Variants in FBLN7 observed in about 807,000 individuals in gnomAD.
FBLN7 encodes fibulin 7.
A neutral mutation model predicts 44.0 loss-of-function variants in FBLN7; 31 were observed. That is an observed-to-expected ratio of 0.70 (90% CI 0.53 to 0.95). The LOEUF (loss-of-function observed/expected upper bound fraction) is 0.95. FBLN7 is among the 40% of genes least tolerant of loss of function. The pLI, the probability that FBLN7 is intolerant of heterozygous loss-of-function variation, is 0.00. For synonymous variants in FBLN7, 262 were observed against 253.4 expected (o/e 1.03, Z -0.32); for missense variants, 573 against 618.5 (o/e 0.93, Z 0.78).
At chr2:112,175,084 G>C (rs1035265540) in intron 3 of FBLN7, among the ~76,000 whole-genome samples, 1 of 152,156 alleles carries the variant, frequency 6.6e-6, no homozygotes, top group African/African-American at 2.4e-5. Flanking sequence ...CAGAAGTGTC[G>C]TGTAGATGAG....
At chr2:112,237,496 G>A in the FBLN7 span, among the ~76,000 whole-genome samples, 1 of 152,004 alleles carries the variant, frequency 6.6e-6, no homozygotes, top group African/African-American at 2.4e-5. Flanking sequence ...TAGTCTACTG[G>A]AGCCTCGAAC....
intron 2 of FBLN7, among the ~76,000 whole-genome samples, chr2:112,164,724 G>A (rs993017091): frequency 2.0e-5 from 3 of 152,230 alleles, no homozygotes; most frequent in African/African-American, 7.2e-5. Flanking sequence ...GATCATTGCA[G>A]GGTGGGCCTC....
At chr2:112,243,909 T>C in the FBLN7 span, among the ~76,000 whole-genome samples, 2 of 151,890 alleles carry the variant, frequency 1.3e-5, no homozygotes, top group African/African-American at 4.8e-5. Context: ...TTAAAAAATA[T>C]ATTCAAAAAC....
chr2:112,233,341 C>T, the FBLN7 span: 1 of 1,595,296 alleles, frequency 6.3e-7, no homozygotes, highest in Non-Finnish European at 8.5e-7. Context: ...TTTTCTATCT[C>T]TGCATCATGA....
chr2:112,148,680 G>C (rs1365399641), intron 1 of FBLN7, among the ~76,000 whole-genome samples: 1 of 152,224 alleles, frequency 6.6e-6, no homozygotes, highest in Admixed American at 6.5e-5. Context: ...GGTTGGTCTA[G>C]GGCAGTTCAT....
the FBLN7 span, among the ~76,000 whole-genome samples, chr2:112,195,598 G>A: frequency 6.6e-6 from 1 of 152,190 alleles, no homozygotes; most frequent in African/African-American, 2.4e-5. Flanking sequence ...CTTGAAAGCT[G>A]TAGGAGGCAA....
At chr2:112,223,780 A>G in the FBLN7 span, among the ~76,000 whole-genome samples, 4 of 152,252 alleles carry the variant, frequency 2.6e-5, no homozygotes, top group African/African-American at 9.6e-5. Context: ...GGTTCTTTCT[A>G]GAGAATAATG....
At chr2:112,183,431 G>A (rs1037307031) in intron 6 of FBLN7, among the ~76,000 whole-genome samples, 11 of 152,292 alleles carry the variant, frequency 7.2e-5, no homozygotes, top group African/African-American at 1.7e-4. Context: ...CAAGGGAGGC[G>A]GAGCACCCAG....
At chr2:112,210,437 C>G in the FBLN7 span, among the ~76,000 whole-genome samples, 5 of 152,030 alleles carry the variant, frequency 3.3e-5, no homozygotes, top group Non-Finnish European at 7.4e-5. Flanking sequence ...AGATGGATCA[C>G]CTGAGCTCAG....
chr2:112,174,623 A>G (rs1682642889), intron 3 of FBLN7, among the ~76,000 whole-genome samples: 1 of 152,244 alleles, frequency 6.6e-6, no homozygotes, highest in African/African-American at 2.4e-5. Flanking sequence ...TCTGATGGAA[A>G]TGGCCTATTT....
chr2:112,140,092 G>T (rs1400062108), intron 1 of FBLN7, among the ~76,000 whole-genome samples: 36 of 94,652 alleles, frequency 3.8e-4, no homozygotes, highest in African/African-American at 1.4e-3. Context: ...CTCTCTCCAC[G>T]CCAGCGTCCC....
At chr2:112,234,397 A>G in the FBLN7 span, among the ~76,000 whole-genome samples, 1 of 152,254 alleles carries the variant, frequency 6.6e-6, no homozygotes, top group Admixed American at 6.5e-5. Flanking sequence ...CAGGTTAAAA[A>G]TGAATGTTTT....
At chr2:112,178,265 A>AAC (rs1553478032) in intron 4 of FBLN7, among the ~76,000 whole-genome samples, 2 of 151,688 alleles carry the variant, frequency 1.3e-5, no homozygotes, top group South Asian at 4.2e-4. Flanking sequence ...TACAAAAAAA[A>AAC]AAACCAAAAG....
chr2:112,233,165 GTA>G, the FBLN7 span: 39 of 705,328 alleles, frequency 5.5e-5, 1 homozygote, highest in South Asian at 8.6e-4. Flanking sequence ...TATCATTTTG[GTA>G]TACCTAAAAC....
intron 4 of FBLN7, among the ~76,000 whole-genome samples, chr2:112,178,394 C>T (rs546653055): frequency 2.0e-5 from 3 of 152,120 alleles, no homozygotes; most frequent in South Asian, 4.1e-4. Flanking sequence ...CAGGACCTGA[C>T]GGATTCACAG....
At chr2:112,158,452 T>G (rs987906156) in intron 1 of FBLN7, among the ~76,000 whole-genome samples, 1 of 152,078 alleles carries the variant, frequency 6.6e-6, no homozygotes, top group African/African-American at 2.4e-5. Flanking sequence ...ATTTATTATT[T>G]TGAGACAGAG....
chr2:112,191,168 GTTTTA>G (rs541294515), downstream of FBLN7, among the ~76,000 whole-genome samples: 40 of 151,966 alleles, frequency 2.6e-4, no homozygotes, highest in South Asian at 5.0e-3. Flanking sequence ...TAGTGTTTTC[GTTTTA>G]TTTTATTTTA....
rs1443172606 is a variant in FBLN7 at position 112,138,538 on chromosome 2, C to T, written c.-118C>T. Reference sequence around the variant, plus strand: ...CCCGCCTCCCCCCCTGCCCCAGCCGCCCCCCGGCCGCGCGGCGCCCCGCAC... The same window carrying T: ...CCCGCCTCCCCCCCTGCCCCAGCCGTCCCCCGGCCGCGCGGCGCCCCGCAC... On this transcript the variant is annotated 5_prime_UTR_variant, in exon 1 of 8. Transcript: ENST00000331203. The T allele has an allele frequency of 4.9e-6, 7 of 1,438,654 alleles. No homozygotes were observed. The Admixed American group carries it at 8.3e-5, about 17-fold the overall frequency. 89.1% of individuals were successfully genotyped at this position (1,438,654 alleles called of 1,614,324 possible).
chr2:112,243,300 C>T, the FBLN7 span, among the ~76,000 whole-genome samples: 2 of 152,170 alleles, frequency 1.3e-5, no homozygotes, highest in African/African-American at 4.8e-5. Flanking sequence ...CTTTGATTGG[C>T]AGTGACTCAT....
Sources: allele counts gnomAD v4.1 joint callset (sites outside exome capture counted in the v4.1 genomes callset), GRCh38; gene constraint gnomAD v4.1.1; transcripts MANE v1.5; gene names NCBI Gene and HGNC (gene_info 2026-07-23, HGNC 2026-07-21).